The following CPSF6 variants were observed in gnomAD, a reference collection of about 807,000 sequenced individuals.
CPSF6 encodes cleavage and polyadenylation specific factor 6, also known as cleavage and polyadenylation specificity factor subunit 6.
A neutral mutation model predicts 56.7 loss-of-function variants in CPSF6; 10 were observed. The observed-to-expected ratio is 0.18, with a 90% CI of 0.11 to 0.30. CPSF6 has a LOEUF of 0.30. CPSF6 is among the 10% of genes least tolerant of loss of function. CPSF6 has a pLI of 1.00. For synonymous variants in CPSF6, 248 were observed against 244.8 expected, an observed-to-expected ratio of 1.01 and a Z score of -0.12; for missense variants, 419 against 722.9, an observed-to-expected ratio of 0.58 and a Z score of 4.82.
chr12:69,252,956 C>T, intron 2 of CPSF6, 95 bp from the exon 3 acceptor site: 1 of 721,916 alleles, frequency 1.4e-6, no homozygotes, highest in Non-Finnish European at 2.3e-6. Flanking sequence ...TTTATTTTCT[C>T]TTTTATGTCT....
chr12:69,260,402 G>A (rs1385936051), intron 8 of CPSF6, among the ~76,000 whole-genome samples: 1 of 148,210 alleles, frequency 6.7e-6, no homozygotes, highest in Non-Finnish European at 1.5e-5. Flanking sequence ...AGACTGTAAA[G>A]ATTGAGGGAC....
At chr12:69,253,899 T>C (rs868529166) in intron 3 of CPSF6, among the ~76,000 whole-genome samples, 13 of 152,278 alleles carry the variant, frequency 8.5e-5, no homozygotes, top group Middle Eastern at 3.4e-3. Context: ...TATAAGTCTT[T>C]TGGTACAGAT....
intron 1 of CPSF6, among the ~76,000 whole-genome samples, chr12:69,249,310 AAAAT>A (rs1872108773): frequency 6.6e-6 from 1 of 152,038 alleles, no homozygotes; most frequent in African/African-American, 2.4e-5. Flanking sequence ...AAAAAAATAC[AAAAT>A]AAATAAAAGA....
rs370773362 is a variant in CPSF6, at chr12:69,242,354, C to CT, written c.60+2654dup. Among the ~76,000 whole-genome samples the CT allele has an allele frequency of 2.7e-3, 412 of 152,118 alleles. 4 individuals are homozygous for CT. The highest frequency in any genetic ancestry group is 9.5e-3 in the African/African-American group (393 of 41,514). On this transcript the variant is annotated intron_variant, in intron 1 of 9. Transcript: ENST00000435070. ...TTTTAAATGTCATACTTTTATGAAG[C>CT]TTTTTTGTATTTTGGTAAGGCACAG...
intron 1 of CPSF6, among the ~76,000 whole-genome samples, chr12:69,240,154 C>T (rs1205352889): frequency 1.3e-5 from 2 of 152,000 alleles, no homozygotes; most frequent in Non-Finnish European, 2.9e-5. Flanking sequence ...CGCCCCTTCC[C>T]CGCCGCTGCC....
At chr12:69,259,196 C>T in intron 6 of CPSF6, 102 bp downstream of exon 6, 1 of 1,355,136 alleles carries the variant, frequency 7.4e-7, no homozygotes, top group Non-Finnish European at 9.8e-7. Flanking sequence ...TTCTGCCTTC[C>T]AAGAAGATGA....
Position 69,259,091 on chromosome 12 carries a change from G to A in CPSF6, c.1196G>A (p.Gly399Glu). 1 of 1,598,726 alleles carries A rather than the reference G, an allele frequency of 6.3e-7. No individual in the cohort carries two copies. Among genetic ancestry groups the A allele is most frequent in the East Asian group, 2.2e-5 (1 of 44,862 alleles). ...GATAGGGGTGACTATGGCCCCCCTG[G>A]AAGGTAAGTTAGTGTGTATCTGTGA... The part of the protein sequence containing the change: ...PYDRGDYGPP[G>E]REMDTARTPL... Residue 399 changes from glycine (G) to glutamate (E), a missense_variant, in exon 6 of 10, where the codon GGA becomes GAA. Gly to Glu is a moderately conservative substitution (Grantham distance 98). Coordinates refer to ENST00000435070, the MANE Select transcript of CPSF6 (RefSeq NM_007007.3).
chr12:69,257,201 C>G (rs965550240), intron 4 of CPSF6, among the ~76,000 whole-genome samples: 12 of 152,188 alleles, frequency 7.9e-5, no homozygotes. Flanking sequence ...GGAGAGATCA[C>G]TGATAACCAG....
Position 69,258,780 on chromosome 12 carries a change from CCCTCCA to C in CPSF6, c.892_897del (p.Pro298_Pro299del). On this transcript the variant is annotated inframe_deletion, in exon 6 of 10. Transcript: ENST00000435070. The surrounding 1 kb of genome is among the most constrained non-coding windows in gnomAD (Gnocchi z 4.2). Reference sequence around the variant, plus strand: ...CTCCATTGGGTCCACTTCCTCCTGGCCCTCCACCTCCAGTTCCAGGCTACGGCCCCC... The same window carrying C: ...CTCCATTGGGTCCACTTCCTCCTGGCCCTCCAGTTCCAGGCTACGGCCCCC... 1.2e-6 allele frequency: 2 copies of C among 1,613,946 alleles called. No homozygotes were observed. Among genetic ancestry groups the C allele is most frequent in the East Asian group, 2.2e-5 (1 of 44,876 alleles).
At chr12:69,261,484 G>C (rs1872738435) in intron 8 of CPSF6, among the ~76,000 whole-genome samples, 1 of 150,002 alleles carries the variant, frequency 6.7e-6, no homozygotes, top group Non-Finnish European at 1.5e-5. Context: ...AGGGTTGCTT[G>C]AGCCTCAGAG....
At position 69,274,097 on chromosome 12, in the gene CPSF6, TG is replaced by T. The variant is rs1873388855; in HGVS notation, c.*4590del. The T allele has an allele frequency of 6.9e-6, 1 of 145,184 alleles. No homozygotes were observed. Among genetic ancestry groups the T allele is most frequent in the Non-Finnish European group, 1.5e-5 (1 of 66,620 alleles). 9.0% of individuals were successfully genotyped at this position (145,184 alleles called of 1,614,324 possible). On this transcript the variant is annotated 3_prime_UTR_variant, in exon 10 of 10. Coordinates refer to ENST00000435070, the MANE Select transcript of CPSF6 (RefSeq NM_007007.3). ...CTGTGCAAAAAGGTAAGGTGATAAT[TG>T]ATCTAATAGACTTTTTTTTTTTTTT...
chr12:69,240,325 T>A (rs1871546976), intron 1 of CPSF6, among the ~76,000 whole-genome samples: 1 of 152,174 alleles, frequency 6.6e-6, no homozygotes, highest in African/African-American at 2.4e-5. Flanking sequence ...GCCTTCCTCC[T>A]CCCCTCACAC....
rs1872627105 is a variant in CPSF6, at chr12:69,258,898, C to A, written c.1003C>A (p.Leu335Ile). 1.9e-6 allele frequency: 3 copies of A among 1,614,076 alleles called. No individual in the cohort carries two copies. The Admixed American group carries it at 5.0e-5, about 27-fold the overall frequency. Reference sequence around the variant, plus strand: ...TCCACCCGGTCCACTTGGGCCACCCCTTACACTAGCTCCTCCTCCGCATCT... The same window carrying A: ...TCCACCCGGTCCACTTGGGCCACCCATTACACTAGCTCCTCCTCCGCATCT... ...PRPPGPLGPP[L>I]TLAPPPHLPG... The change falls in exon 6 of 10, where the codon CTT (leucine) becomes ATT (isoleucine). Residue 335 changes from leucine (L) to isoleucine (I), a missense_variant. Leu to Ile is a conservative substitution (Grantham distance 5). Transcript: ENST00000435070. This position sits in a 1 kb window ranked among gnomAD's most constrained non-coding sequence, Gnocchi z 4.2.
chr12:69,258,105 G>A lies in CPSF6; in HGVS notation c.694+200G>A. On this transcript the variant is annotated intron_variant, in intron 5 of 9. Transcript: ENST00000435070. This position sits in a 1 kb window ranked among gnomAD's most constrained non-coding sequence, Gnocchi z 4.2. The stretch of plus-strand genomic sequence containing the variant: ...TGGAAACTAGGATTCCATGGCATAT[G>A]GGGCACAGCATAGAGGAAATACCCA... 1 of 1,536,248 alleles carries A rather than the reference G, an allele frequency of 6.5e-7. No individual in the cohort carries two copies. The highest frequency in any genetic ancestry group is 8.7e-7 in the Non-Finnish European group (1 of 1,146,660).
chr12:69,273,272 G>C lies in CPSF6; in HGVS notation c.*3764G>C, dbSNP rs1873339460. ...TTGATTTAGGTTTGTCTTAACCAAT[G>C]TTCTTTTTTTAGAATTTCAGGTTGT... On this transcript the variant is annotated 3_prime_UTR_variant, in exon 10 of 10. Transcript: ENST00000435070. 1 of 401,658 alleles carries C rather than the reference G, an allele frequency of 2.5e-6. No homozygotes were observed. Among genetic ancestry groups the C allele is most frequent in the Admixed American group, 3.0e-5 (1 of 32,816 alleles). The allele number at this position is 401,658 out of a possible 1,614,324, so 24.9% of individuals were successfully genotyped here.
chr12:69,242,916 C>T (rs57250955), intron 1 of CPSF6, among the ~76,000 whole-genome samples: 3,505 of 152,128 alleles, frequency 0.023, 139 homozygotes, highest in African/African-American at 0.079. Context: ...GCAGACCAGC[C>T]TGGCCAACAT....
chr12:69,259,518 G>A lies in CPSF6; in HGVS notation c.1290G>A (p.Ser430=), dbSNP rs770452177. The part of the protein sequence containing the change: ...RNRAISSSAI[S]RAVSDASAGD... ...GGGCAATCTCAAGCAGTGCTATTTCGAGAGCTGTGTCTGATGCCAGTGCTG... is the reference window on the plus strand; with the variant it reads ...GGGCAATCTCAAGCAGTGCTATTTCAAGAGCTGTGTCTGATGCCAGTGCTG... The change falls in exon 7 of 10, where the codon TCG becomes TCA. Residue 430 remains serine (S), a synonymous_variant. Coordinates refer to ENST00000435070, the MANE Select transcript of CPSF6 (RefSeq NM_007007.3). 36 of 1,613,012 alleles carry A rather than the reference G, an allele frequency of 2.2e-5. No homozygotes were observed. In the Admixed American group the frequency reaches 4.4e-4, roughly 20 times the overall value.
At position 69,258,715 on chromosome 12, in the gene CPSF6, C is replaced by A; in HGVS notation, c.820C>A (p.Pro274Thr). Residue 274 changes from proline (P) to threonine (T), a missense_variant, in exon 6 of 10, where the codon CCA (proline) becomes ACA (threonine). Transcript: ENST00000435070. The surrounding 1 kb of genome is among the most constrained non-coding windows in gnomAD (Gnocchi z 4.2). ...GCCTCCTAATCGAGGAGATCGCCCT[C>A]CACCACCAGTTCTTTTTCCTGGACA... The part of the protein sequence containing the change: ...AGPPNRGDRP[P>T]PPVLFPGQPF... 6.2e-7 allele frequency: 1 copy of A among 1,614,100 alleles called. No individual in the cohort carries two copies. The highest frequency in any genetic ancestry group is 8.5e-7 in the Non-Finnish European group (1 of 1,180,014).
chr12:69,257,628 T>A, intron 4 of CPSF6, 104 bp from the exon 5 acceptor site: 1 of 1,076,798 alleles, frequency 9.3e-7, no homozygotes, highest in South Asian at 1.5e-5. Context: ...ACAAGGCATT[T>A]GCAAGTTAAT....
Sources: allele counts gnomAD v4.1 joint callset (sites outside exome capture counted in the v4.1 genomes callset), GRCh38; gene constraint gnomAD v4.1.1; non-coding constraint Gnocchi (gnomAD v3.1); transcripts MANE v1.5; gene names NCBI Gene and HGNC (gene_info 2026-07-23, HGNC 2026-07-21).